LAMA2: variants seen among roughly 807,000 people sequenced by gnomAD.
LAMA2 encodes the protein laminin subunit alpha-2.
LAMA2 carries 269 observed loss-of-function variants against 364.8 expected under a neutral mutation model. That is an observed-to-expected ratio of 0.74 (90% CI 0.67 to 0.82). The LOEUF is 0.82. LAMA2 is among the 40% of genes least tolerant of loss of function. LAMA2 has a pLI of 0.00. For synonymous variants in LAMA2, 1,379 were observed against 1,370.6 expected, an observed-to-expected ratio of 1.01 and a Z score of -0.14; for missense variants, 3,807 against 3,873.2, an observed-to-expected ratio of 0.98 and a Z score of 0.45.
intron 41 of LAMA2, among the ~76,000 whole-genome samples, chr6:129,435,585 C>G (rs980108291): frequency 1.3e-5 from 2 of 151,998 alleles, no homozygotes; most frequent in African/African-American, 4.8e-5. Context: ...TAGAGCCGTG[C>G]TTTGCTGGAA....
intron 4 of LAMA2, among the ~76,000 whole-genome samples, chr6:129,142,161 G>T (rs1778159837): frequency 6.6e-6 from 1 of 152,060 alleles, no homozygotes; most frequent in Admixed American, 6.6e-5. Context: ...GACCAAAAAA[G>T]ATTATAATAA....
chr6:129,335,395 G>GATAA (rs1775901433), intron 29 of LAMA2, among the ~76,000 whole-genome samples: 1 of 146,576 alleles, frequency 6.8e-6, no homozygotes, highest in Non-Finnish European at 1.5e-5. Context: ...TAGATAGATA[G>GATAA]ATACAGAAGG....
At chr6:129,107,137 T>C (rs6941438) in intron 4 of LAMA2, among the ~76,000 whole-genome samples, 22,296 of 152,010 alleles carry the variant, frequency 0.15, 2,179 homozygotes, top group African/African-American at 0.28. Context: ...ACACTGACTT[T>C]TGGGGAATTA....
At chr6:129,066,047 T>TTTTTTTTTC (rs1789296632) in intron 3 of LAMA2, among the ~76,000 whole-genome samples, 1 of 81,946 alleles carries the variant, frequency 1.2e-5, no homozygotes, top group Non-Finnish European at 2.5e-5. Flanking sequence ...GGTTTTTTTT[T>TTTTTTTTTC]TTTTTTTTTT....
chr6:129,345,326 A>G (rs1040863420), intron 30 of LAMA2, among the ~76,000 whole-genome samples: 1 of 152,152 alleles, frequency 6.6e-6, no homozygotes, highest in Admixed American at 6.6e-5. Context: ...TTTTGTTATC[A>G]ACAGGGTAGG....
chr6:129,345,357 T>G (rs143351333), intron 30 of LAMA2, among the ~76,000 whole-genome samples: 2 of 152,264 alleles, frequency 1.3e-5, no homozygotes, highest in East Asian at 3.9e-4. Context: ...GTTGGTCCTG[T>G]AGTTACACTC....
At chr6:129,168,113 T>C (rs571947790) in intron 9 of LAMA2, among the ~76,000 whole-genome samples, 81 of 143,004 alleles carry the variant, frequency 5.7e-4, no homozygotes, top group African/African-American at 2.1e-3. Flanking sequence ...ATTTTGTAGG[T>C]TGCCTGTTCA....
At chr6:128,951,269 T>C (rs960303470) in intron 1 of LAMA2, among the ~76,000 whole-genome samples, 1 of 152,142 alleles carries the variant, frequency 6.6e-6, no homozygotes, top group Non-Finnish European at 1.5e-5. Context: ...ATTTTTTCTT[T>C]GTAAGATTTT....
chr6:129,256,763 C>CAAATATATATATATATAT (rs749883373), intron 14 of LAMA2, among the ~76,000 whole-genome samples: 18 of 87,956 alleles, frequency 2.0e-4, no homozygotes, highest in African/African-American at 6.2e-4. Flanking sequence ...AATTATATAG[C>CAAATATATATATATATAT]ATATATATAT....
intron 31 of LAMA2, among the ~76,000 whole-genome samples, chr6:129,352,502 T>A (rs1356740440): frequency 6.6e-6 from 1 of 152,128 alleles, no homozygotes; most frequent in Non-Finnish European, 1.5e-5. Flanking sequence ...AAACAGAAAA[T>A]CTGAGTAGCC....
chr6:128,906,687 GT>G (rs1377080841), intron 1 of LAMA2, among the ~76,000 whole-genome samples: 6 of 152,204 alleles, frequency 3.9e-5, no homozygotes, highest in African/African-American at 1.4e-4. Context: ...TGCTTTTGGT[GT>G]TTTAGACATG....
chr6:128,925,467 C>T (rs965833562), intron 1 of LAMA2, among the ~76,000 whole-genome samples: 2 of 152,164 alleles, frequency 1.3e-5, no homozygotes, highest in Middle Eastern at 6.8e-3. Context: ...ATCATAGAGA[C>T]AGAAAGTATA....
chr6:129,133,867 AACACACAC>A (rs148016532), intron 4 of LAMA2, among the ~76,000 whole-genome samples: 1 of 151,130 alleles, frequency 6.6e-6, no homozygotes, highest in Non-Finnish European at 1.5e-5. Context: ...GAGACAATTC[AACACACAC>A]ACACACACGC....
intron 4 of LAMA2, among the ~76,000 whole-genome samples, chr6:129,125,535 A>G (rs1405440747): frequency 6.6e-6 from 1 of 152,226 alleles, no homozygotes; most frequent in Non-Finnish European, 1.5e-5. Flanking sequence ...GAGATTTCCC[A>G]TAAGAGCATT....
chr6:129,251,020 CT>C (rs1185151969), intron 13 of LAMA2, among the ~76,000 whole-genome samples: 2 of 145,424 alleles, frequency 1.4e-5, no homozygotes, highest in Non-Finnish European at 3.0e-5. Context: ...CTCTCTTTCT[CT>C]CTCTCTCTGT....
intron 12 of LAMA2, among the ~76,000 whole-genome samples, chr6:129,222,563 G>A (rs188728424): frequency 2.0e-4 from 28 of 137,318 alleles, no homozygotes; most frequent in African/African-American, 7.5e-4. Context: ...TCATTGTTCA[G>A]TTCCCACCTA....
rs371403343 is a variant in LAMA2 at position 129,464,385 on chromosome 6, C to T, written c.7088C>T (p.Thr2363Ile). The change falls in exon 50 of 65, where the codon ACT becomes ATT. Residue 2363 changes from threonine (T) to isoleucine (I), a missense_variant. By Grantham distance (89) the Thr-to-Ile change is moderately conservative. This residue lies in a region of LAMA2 where 3,333 missense variants were observed against 3,345.7 expected (regional missense o/e 1.00). Transcript: ENST00000421865. ...ATTCGCTGGTACCCCAACATCTCCA[C>T]TGTCATGTTCAAGTTCAGAACATTT... is the stretch of plus-strand genomic sequence containing the variant. The part of the protein sequence containing the change: ...RPIRWYPNIS[T>I]VMFKFRTFSS... The T allele has an allele frequency of 4.0e-4, 643 of 1,611,880 alleles. No individual in the cohort carries two copies. The highest frequency in any genetic ancestry group is 5.3e-4 in the Non-Finnish European group (620 of 1,178,398).
At chr6:129,093,149 A>T (rs1774947261) in intron 3 of LAMA2, among the ~76,000 whole-genome samples, 1 of 143,590 alleles carries the variant, frequency 7.0e-6, no homozygotes, top group Admixed American at 7.0e-5. Flanking sequence ...CCCCCGACTA[A>T]TTTTTTTTTT....
intron 7 of LAMA2, among the ~76,000 whole-genome samples, chr6:129,151,878 T>A (rs2326758): frequency 0.069 from 10,522 of 152,016 alleles, 1,093 homozygotes; most frequent in East Asian, 0.52. Flanking sequence ...ACTGTCTTTC[T>A]GAAGAAAAAA....
Sources: gnomAD v4.1 joint callset for allele counts (sites outside exome capture counted in the v4.1 genomes callset) on GRCh38, gnomAD v4.1.1 for gene constraint, gnomAD v4.1.1 regional missense constraint, MANE v1.5 for transcripts, NCBI Gene and HGNC (gene_info 2026-07-23, HGNC 2026-07-21) for gene names.